Variants in WWOX observed in about 807,000 individuals in gnomAD.
WWOX encodes the protein WW domain containing oxidoreductase.
A neutral mutation model predicts 46.2 loss-of-function variants in WWOX; 69 were observed. The ratio of observed to expected loss-of-function variants is 1.49; its 90% CI spans 1.23 to 1.82. The LOEUF is 1.82. WWOX is among the 40% of genes most tolerant of loss of function. The probability of loss-of-function intolerance (pLI) is 0.00; values close to 1 mark genes in which losing one functional copy is unlikely to be tolerated. For missense variants in WWOX, 919 were observed against 542.6 expected (o/e 1.69, Z -6.89); for synonymous variants, 359 against 202.6 (o/e 1.77, Z -6.56).
chr16:79,065,058 T>C (rs1034524993), intron 8 of WWOX, among the ~76,000 whole-genome samples: 4 of 152,198 alleles, frequency 2.6e-5, no homozygotes, highest in Admixed American at 2.0e-4. Flanking sequence ...TATGCCTGTG[T>C]GTGTCTCTAG....
At chr16:78,900,078 TTC>T (rs145486081) in intron 8 of WWOX, among the ~76,000 whole-genome samples, 64,336 of 123,492 alleles carry the variant, frequency 0.52, 17,132 homozygotes, top group African/African-American at 0.64. Flanking sequence ...TTTTTTTTTT[TTC>T]CTGCAGAGAG....
At chr16:78,484,866 C>T (rs1191484921) in intron 8 of WWOX, among the ~76,000 whole-genome samples, 1 of 152,088 alleles carries the variant, frequency 6.6e-6, no homozygotes, top group Non-Finnish European at 1.5e-5. Flanking sequence ...GCATTTGTCT[C>T]CATTTCTGTC....
rs77904723 is a variant in WWOX, at chr16:78,682,850, G to A, written c.1056+250098G>A. Among the ~76,000 whole-genome samples the A allele has an allele frequency of 3.1e-3, 475 of 152,308 alleles. 2 individuals are homozygous for A. The highest frequency in any genetic ancestry group is 0.011 in the African/African-American group (454 of 41,572). On this transcript the variant is annotated intron_variant, in intron 8 of 8. Transcript: ENST00000566780. ...AATGCCTTAATGCCTGCTGCAAATA[G>A]AACAGTGGTGCTTAGCAGCTTTAGA...
At chr16:79,207,678 A>G (rs1382131314) in intron 8 of WWOX, among the ~76,000 whole-genome samples, 1 of 152,224 alleles carries the variant, frequency 6.6e-6, no homozygotes, top group African/African-American at 2.4e-5. Context: ...TTAAATGAGC[A>G]TGCATTTTAA....
At chr16:78,758,070 A>T (rs1300786093) in intron 8 of WWOX, among the ~76,000 whole-genome samples, 1 of 152,196 alleles carries the variant, frequency 6.6e-6, no homozygotes, top group Non-Finnish European at 1.5e-5. Context: ...ATTAATATTT[A>T]AAATATTGAA....
At chr16:78,366,651 G>T (rs72794100) in intron 5 of WWOX, among the ~76,000 whole-genome samples, 8 of 152,134 alleles carry the variant, frequency 5.3e-5, no homozygotes, top group Admixed American at 4.6e-4. Flanking sequence ...TATCTCGTCT[G>T]TTGCCACTTT....
Position 78,174,842 on chromosome 16 carries a change from G to T in WWOX, c.516+10553G>T, listed in dbSNP as rs150228947. ...GTCTCTACTGAAAATACAAAAATTA[G>T]CTGGGTGTGGCGGCATGCGCCTTTA... On this transcript the variant is annotated intron_variant, in intron 5 of 8. Coordinates refer to ENST00000566780, the MANE Select transcript of WWOX (RefSeq NM_016373.4). 2.7e-3 allele frequency among the ~76,000 whole-genome samples: 405 copies of T among 152,188 alleles called. 3 individuals are homozygous for T. The highest frequency in any genetic ancestry group is 2.1e-3 in the Non-Finnish European group (141 of 68,014).
At chr16:78,911,293 C>T (rs561747886) in intron 8 of WWOX, among the ~76,000 whole-genome samples, 1 of 152,066 alleles carries the variant, frequency 6.6e-6, no homozygotes, top group Admixed American at 6.5e-5. Flanking sequence ...GCCTATGGGA[C>T]ATGTTCCCAT....
intron 5 of WWOX, among the ~76,000 whole-genome samples, chr16:78,227,135 C>A (rs565937444): frequency 6.6e-6 from 1 of 152,300 alleles, no homozygotes; most frequent in Admixed American, 6.5e-5. Context: ...AATATTACCA[C>A]GAAATCATTT....
intron 8 of WWOX, among the ~76,000 whole-genome samples, chr16:78,521,338 G>C (rs961931907): frequency 1.3e-5 from 2 of 152,100 alleles, no homozygotes; most frequent in African/African-American, 4.8e-5. Flanking sequence ...AATAAGGTAT[G>C]AGCCACCAAG....
At chr16:78,678,741 G>A (rs561403868) in intron 8 of WWOX, among the ~76,000 whole-genome samples, 3 of 152,282 alleles carry the variant, frequency 2.0e-5, no homozygotes, top group South Asian at 2.1e-4. Flanking sequence ...AGGGAGGAAC[G>A]ATAGGAAACT....
intron 8 of WWOX, among the ~76,000 whole-genome samples, chr16:79,080,606 A>G (rs901497185): frequency 1.3e-5 from 2 of 152,170 alleles, no homozygotes; most frequent in Non-Finnish European, 2.9e-5. Flanking sequence ...ATTTGGATGG[A>G]CTCAATCTGG....
chr16:78,761,718 C>A (rs1359524173), intron 8 of WWOX, among the ~76,000 whole-genome samples: 2 of 152,166 alleles, frequency 1.3e-5, no homozygotes, highest in Admixed American at 1.3e-4. Flanking sequence ...CTTTGTGGCA[C>A]TACAAGGTCC....
intron 8 of WWOX, among the ~76,000 whole-genome samples, chr16:78,743,571 T>A (rs2142424607): frequency 6.6e-6 from 1 of 152,200 alleles, no homozygotes; most frequent in Non-Finnish European, 1.5e-5. Flanking sequence ...ACACCAACTT[T>A]CCACAACTAA....
At chr16:78,915,230 C>T (rs745588939) in intron 8 of WWOX, among the ~76,000 whole-genome samples, 24 of 152,102 alleles carry the variant, frequency 1.6e-4, no homozygotes, top group Non-Finnish European at 3.5e-4. Flanking sequence ...TGGGTTGTAC[C>T]GATTAAGAGG....
chr16:78,378,892 T>C (rs1567536363), intron 5 of WWOX, among the ~76,000 whole-genome samples: 3 of 152,300 alleles, frequency 2.0e-5, no homozygotes, highest in East Asian at 3.9e-4. Flanking sequence ...TAAGAATATA[T>C]AGATGATGTT....
intron 8 of WWOX, among the ~76,000 whole-genome samples, chr16:78,904,061 A>T (rs982955807): frequency 1.3e-5 from 2 of 152,090 alleles, no homozygotes; most frequent in African/African-American, 4.8e-5. Flanking sequence ...GAAATTAGGG[A>T]ACACCACGTA....
chr16:78,851,273 A>G (rs1424171083), intron 8 of WWOX, among the ~76,000 whole-genome samples: 1 of 152,214 alleles, frequency 6.6e-6, no homozygotes, highest in Admixed American at 6.5e-5. Context: ...GTCATAAACA[A>G]TAATTTTCAA....
intron 8 of WWOX, among the ~76,000 whole-genome samples, chr16:78,505,405 C>T (rs1330411046): frequency 1.3e-5 from 2 of 152,174 alleles, no homozygotes; most frequent in Admixed American, 6.5e-5. Context: ...GGGCTCAGGA[C>T]ACTCTGAGAT....
Sources: gnomAD v4.1 joint callset for allele counts (sites outside exome capture counted in the v4.1 genomes callset) on GRCh38, gnomAD v4.1.1 for gene constraint, MANE v1.5 for transcripts, NCBI Gene and HGNC (gene_info 2026-07-23, HGNC 2026-07-21) for gene names.